The following WASF3 variants were observed in gnomAD, a reference collection of about 807,000 sequenced individuals.
WASF3 encodes actin-binding protein WASF3.
A neutral mutation model predicts 46.6 loss-of-function variants in WASF3; 11 were observed. That is an observed-to-expected ratio of 0.24 (90% CI 0.15 to 0.39). The LOEUF is 0.39. WASF3 is among the 10% of genes least tolerant of loss of function. The pLI is 1.00. For synonymous variants in WASF3, 242 were observed against 259.7 expected (o/e 0.93, Z 0.65); for missense variants, 576 against 669.8 (o/e 0.86, Z 1.55).
intron 2 of WASF3, among the ~76,000 whole-genome samples, chr13:26,625,047 A>G (rs1351421826): frequency 6.6e-6 from 1 of 152,184 alleles, no homozygotes; most frequent in African/African-American, 2.4e-5. Context: ...AAACAAAGAA[A>G]TGAAGAGACC....
At chr13:26,667,396 A>T in intron 4 of WASF3, 121 bp from the exon 5 acceptor site, 1 of 851,126 alleles carries the variant, frequency 1.2e-6, no homozygotes, top group South Asian at 2.4e-5. Flanking sequence ...TTAAATGGAC[A>T]ATAAAAAATA....
chr13:26,567,902 G>A (rs956538475), intron 1 of WASF3, among the ~76,000 whole-genome samples: 2 of 152,114 alleles, frequency 1.3e-5, no homozygotes, highest in African/African-American at 4.8e-5. Flanking sequence ...GGTGGTCAGG[G>A]AAGCCTATGT....
chr13:26,548,871 T>C, the WASF3 span, among the ~76,000 whole-genome samples: 5 of 152,186 alleles, frequency 3.3e-5, no homozygotes, highest in Non-Finnish European at 1.5e-5. Context: ...TCACCTCTTC[T>C]ATGCTTCTAC....
chr13:26,621,949 G>A (rs1408831412), intron 2 of WASF3, among the ~76,000 whole-genome samples: 1 of 152,192 alleles, frequency 6.6e-6, no homozygotes, highest in East Asian at 1.9e-4. Context: ...GGAAAGGTCA[G>A]AGGAAGGGCT....
intron 6 of WASF3, among the ~76,000 whole-genome samples, chr13:26,674,764 T>C (rs1170831026): frequency 1.3e-5 from 2 of 152,204 alleles, no homozygotes; most frequent in Admixed American, 1.3e-4. Context: ...TCAGGATAAA[T>C]TTCTAGAAGT....
intron 3 of WASF3, among the ~76,000 whole-genome samples, chr13:26,656,214 A>G (rs1234993648): frequency 1.3e-5 from 2 of 152,228 alleles, no homozygotes; most frequent in Admixed American, 6.5e-5. Context: ...AAGTCAAAAC[A>G]TTAGTGATTT....
At chr13:26,553,554 A>C (rs566795900), upstream of WASF3, among the ~76,000 whole-genome samples, 31 of 152,244 alleles carry the variant, frequency 2.0e-4, no homozygotes, top group African/African-American at 7.2e-4. Context: ...ACGGTGGCTC[A>C]CGCCTGTAAT....
chr13:26,559,774 C>CTCTTTT (rs1270234358), intron 1 of WASF3, among the ~76,000 whole-genome samples: 1 of 124,788 alleles, frequency 8.0e-6, no homozygotes, highest in Non-Finnish European at 1.8e-5. Context: ...GACCTTGAAT[C>CTCTTTT]TCTTTTTCTT....
chr13:26,616,468 A>AT (rs1224111733), intron 2 of WASF3, among the ~76,000 whole-genome samples: 1 of 152,062 alleles, frequency 6.6e-6, no homozygotes, highest in Non-Finnish European at 1.5e-5. Flanking sequence ...TTTATTATAG[A>AT]TTTTCAAGAA....
chr13:26,577,722 G>GAA (rs565519419), intron 1 of WASF3: 89 of 583,046 alleles, frequency 1.5e-4, no homozygotes, highest in Admixed American at 6.3e-4. Flanking sequence ...CCTATTTGTG[G>GAA]AAAAAAAAAA....
At chr13:26,646,348 A>G (rs1295460263) in intron 3 of WASF3, among the ~76,000 whole-genome samples, 2 of 152,366 alleles carry the variant, frequency 1.3e-5, no homozygotes, top group Non-Finnish European at 2.9e-5. Flanking sequence ...TAAAAATTTT[A>G]GGAATGTATG....
intron 1 of WASF3, among the ~76,000 whole-genome samples, chr13:26,563,691 CAT>C (rs1350649157): frequency 1.6e-3 from 227 of 142,366 alleles, no homozygotes; most frequent in African/African-American, 5.7e-3. Context: ...ATAGTTTTTC[CAT>C]ACTTAGATTT....
chr13:26,572,533 A>G (rs1293195436), intron 1 of WASF3, among the ~76,000 whole-genome samples: 1 of 152,138 alleles, frequency 6.6e-6, no homozygotes, highest in African/African-American at 2.4e-5. Flanking sequence ...TTATATTACT[A>G]GATTTCCTAA....
intron 5 of WASF3, 86 bp from the exon 6 acceptor site, chr13:26,671,786 T>G: frequency 2.3e-6 from 2 of 861,478 alleles, no homozygotes; most frequent in Non-Finnish European, 1.8e-6. Context: ...TATAATTTCA[T>G]GAGTTCAAAT....
intron 3 of WASF3, among the ~76,000 whole-genome samples, chr13:26,654,260 A>T (rs567695249): frequency 1.3e-5 from 2 of 152,068 alleles, no homozygotes; most frequent in Non-Finnish European, 2.9e-5. Context: ...GCTGACATAC[A>T]CCAAGCACAT....
At chr13:26,616,907 G>C (rs1361614193) in intron 2 of WASF3, among the ~76,000 whole-genome samples, 1 of 152,208 alleles carries the variant, frequency 6.6e-6, no homozygotes, top group East Asian at 1.9e-4. Context: ...TCAGAAGCCA[G>C]AACAGGGCCA....
intron 1 of WASF3, among the ~76,000 whole-genome samples, chr13:26,565,498 T>A (rs1212189405): frequency 2.0e-5 from 3 of 151,974 alleles, no homozygotes; most frequent in East Asian, 1.9e-4. Context: ...AAAACACATT[T>A]AAAAAAAACC....
At chr13:26,544,207 A>T in the WASF3 span, among the ~76,000 whole-genome samples, 2 of 152,212 alleles carry the variant, frequency 1.3e-5, no homozygotes, top group Admixed American at 6.5e-5. Flanking sequence ...TTAAGAGTGG[A>T]TACAACCATA....
At chr13:26,565,431 T>C (rs1342632409) in intron 1 of WASF3, among the ~76,000 whole-genome samples, 1 of 152,162 alleles carries the variant, frequency 6.6e-6, no homozygotes, top group African/African-American at 2.4e-5. Context: ...ATCTTAACTT[T>C]GGCAGAAATA....
Sources: allele counts gnomAD v4.1 joint callset (sites outside exome capture counted in the v4.1 genomes callset), GRCh38; gene constraint gnomAD v4.1.1; transcripts MANE v1.5; gene names NCBI Gene and HGNC (gene_info 2026-07-23, HGNC 2026-07-21).